Variants in TOX observed in about 807,000 individuals in gnomAD.
TOX encodes the protein thymocyte selection associated high mobility group box, also known as thymocyte selection-associated high mobility group box protein TOX.
In TOX, 11 loss-of-function variants were observed where a neutral mutation model predicts 53.7. That is an observed-to-expected ratio of 0.20 (90% CI 0.13 to 0.34). The LOEUF is 0.34. Ranked by LOEUF, TOX falls within the 10% of genes least tolerant of loss-of-function variation. The probability of loss-of-function intolerance (pLI) is 1.00; values close to 1 mark genes in which losing one functional copy is unlikely to be tolerated. For synonymous variants in TOX, 225 were observed against 245.3 expected (o/e 0.92, Z 0.77); for missense variants, 570 against 664.6 (o/e 0.86, Z 1.56).
chr8:58,932,362 C>A (rs1022489932), intron 3 of TOX, among the ~76,000 whole-genome samples: 2 of 149,840 alleles, frequency 1.3e-5, no homozygotes, highest in Admixed American at 1.3e-4. Context: ...CATCATTTTT[C>A]TTCTGTTAAA....
At chr8:58,954,714 T>A (rs1812682383) in intron 2 of TOX, among the ~76,000 whole-genome samples, 1 of 152,154 alleles carries the variant, frequency 6.6e-6, no homozygotes, top group African/African-American at 2.4e-5. Flanking sequence ...GGAGATGTAC[T>A]CAAGAGTTAG....
At chr8:59,058,917 C>T (rs1162385169) in intron 1 of TOX, among the ~76,000 whole-genome samples, 1 of 152,180 alleles carries the variant, frequency 6.6e-6, no homozygotes, top group Non-Finnish European at 1.5e-5. Context: ...GGAAGACAGC[C>T]AACTCTGGTC....
Position 58,838,491 on chromosome 8 carries a change from A to T in TOX, c.694-180T>A, listed in dbSNP as rs556600375. On this transcript the variant is annotated intron_variant, in intron 4 of 8. Transcript: ENST00000361421. ...CCAGATGAAACTGCATATTTCAAGT[A>T]GTCTTCATATTCATCCTACTCCCAA... Among the ~76,000 whole-genome samples, 5 of 152,104 alleles carry T rather than the reference A, an allele frequency of 3.3e-5. No individual in the cohort carries two copies. In the South Asian group the frequency reaches 1.0e-3, roughly 32 times the overall value.
chr8:59,081,842 G>GA (rs1468518732), intron 1 of TOX, among the ~76,000 whole-genome samples: 15 of 151,924 alleles, frequency 9.9e-5, no homozygotes, highest in East Asian at 1.9e-4. Context: ...GGACTTGATT[G>GA]AAAAAAAATC....
intron 1 of TOX, among the ~76,000 whole-genome samples, chr8:59,011,944 G>A (rs957763068): frequency 6.6e-5 from 10 of 152,130 alleles, no homozygotes; most frequent in Non-Finnish European, 4.4e-5. Flanking sequence ...AGGTCAAGAC[G>A]AGGCTTGACA....
intron 1 of TOX, among the ~76,000 whole-genome samples, chr8:59,102,250 T>C (rs1216562068): frequency 6.6e-6 from 1 of 152,164 alleles, no homozygotes; most frequent in Non-Finnish European, 1.5e-5. Flanking sequence ...TGTTTTCAGA[T>C]GGAGTCTTGC....
intron 2 of TOX, among the ~76,000 whole-genome samples, chr8:58,958,365 C>T (rs1812745551): frequency 6.6e-6 from 1 of 152,176 alleles, no homozygotes; most frequent in African/African-American, 2.4e-5. Flanking sequence ...CATAATGATT[C>T]TCTAAGAGGG....
At chr8:59,085,964 T>TTTTTCTTTTC (rs1563441659) in intron 1 of TOX, among the ~76,000 whole-genome samples, 1 of 133,042 alleles carries the variant, frequency 7.5e-6, no homozygotes, top group African/African-American at 3.4e-5. Flanking sequence ...TTTCTTTTTC[T>TTTTTCTTTTC]TTTTCTTTTC....
At chr8:59,076,801 C>A (rs774032632) in intron 1 of TOX, among the ~76,000 whole-genome samples, 5 of 152,184 alleles carry the variant, frequency 3.3e-5, no homozygotes, top group African/African-American at 7.2e-5. Context: ...CTAACAGTCT[C>A]ATATTTAATT....
rs570018669 is a variant in TOX, at chr8:58,972,511, C to G, written c.103-12503G>C. On this transcript the variant is annotated intron_variant, in intron 1 of 8. Coordinates refer to ENST00000361421, the MANE Select transcript of TOX (RefSeq NM_014729.3). ...AAGGTTATACTTAAATATAGTAGTA[C>G]GACATAGGATGATATGTCTCCTATA... Among the ~76,000 whole-genome samples the G allele has an allele frequency of 2.5e-4, 38 of 152,170 alleles. No homozygotes were observed. In the South Asian group the frequency reaches 7.5e-3, roughly 30 times the overall value.
chr8:58,988,593 C>T (rs1050239330), intron 1 of TOX, among the ~76,000 whole-genome samples: 4 of 152,098 alleles, frequency 2.6e-5, no homozygotes, highest in Non-Finnish European at 5.9e-5. Context: ...CTATGACTCA[C>T]AAAAATAAGG....
At position 59,056,528 on chromosome 8, in the gene TOX, G is replaced by A. The variant is rs1342330913; in HGVS notation, c.102+62358C>T. Among the ~76,000 whole-genome samples, 4 of 151,024 alleles carry A rather than the reference G, an allele frequency of 2.6e-5. No individual in the cohort carries two copies. The East Asian group carries it at 7.7e-4, about 29-fold the overall frequency. On this transcript the variant is annotated intron_variant, in intron 1 of 8. Transcript: ENST00000361421. ...GTGAAAATGGTAAGATGACCCCTTA[G>A]TAAAATGTTTGAAACTAAAATTGCC... is the stretch of plus-strand genomic sequence containing the variant.
chr8:59,034,655 A>C (rs1814421763), intron 1 of TOX, among the ~76,000 whole-genome samples: 1 of 152,182 alleles, frequency 6.6e-6, no homozygotes, highest in African/African-American at 2.4e-5. Flanking sequence ...ACCCAAGGTG[A>C]ATTTCTAAGC....
intron 1 of TOX, among the ~76,000 whole-genome samples, chr8:59,060,585 C>T (rs952752935): frequency 3.9e-5 from 6 of 152,198 alleles, no homozygotes; most frequent in African/African-American, 1.4e-4. Context: ...CAAGATCACA[C>T]CACTGCACTC....
At chr8:59,055,632 T>C (rs896938513) in intron 1 of TOX, among the ~76,000 whole-genome samples, 2 of 152,152 alleles carry the variant, frequency 1.3e-5, no homozygotes, top group African/African-American at 4.8e-5. Context: ...TGGGGAAAAG[T>C]GTTTGATCCC....
intron 1 of TOX, among the ~76,000 whole-genome samples, chr8:58,993,215 G>T (rs1813489589): frequency 6.6e-6 from 1 of 152,182 alleles, no homozygotes; most frequent in Non-Finnish European, 1.5e-5. Context: ...CATAAGAGAG[G>T]TCTAAAGTCA....
rs310364 is a variant in TOX at position 59,012,870 on chromosome 8, C to T, written c.103-52862G>A. ...TTTCTCAGCTGGCCAGCAGACACCT[C>T]CTGTTCCCAGACAGCGTACTCTTTC... On this transcript the variant is annotated intron_variant, in intron 1 of 8. Coordinates refer to ENST00000361421, the MANE Select transcript of TOX (RefSeq NM_014729.3). 2.5e-3 allele frequency among the ~76,000 whole-genome samples: 379 copies of T among 151,344 alleles called. 9 individuals carry two copies. In the East Asian group the frequency reaches 0.061, roughly 24 times the overall value.
rs374522981 is a variant in TOX at position 59,040,404 on chromosome 8, T to TATA, written c.102+78481_102+78482insTAT. Among the ~76,000 whole-genome samples the TATA allele has an allele frequency of 8.6e-3, 1,306 of 151,874 alleles. 22 individuals carry two copies. Among genetic ancestry groups the TATA allele is most frequent in the African/African-American group, 0.03 (1,248 of 41,444 alleles). The stretch of plus-strand genomic sequence containing the variant: ...AATTCAGAGATGGAATTTGCTATCT[T>TATA]AGACCATCAGCAGCAACTATTGAGC... On this transcript the variant is annotated intron_variant, in intron 1 of 8. Coordinates refer to ENST00000361421, the MANE Select transcript of TOX (RefSeq NM_014729.3).
At chr8:59,060,988 G>A (rs1563433644) in intron 1 of TOX, among the ~76,000 whole-genome samples, 1 of 152,176 alleles carries the variant, frequency 6.6e-6, no homozygotes, top group African/African-American at 2.4e-5. Context: ...TTTTCCTGCT[G>A]AATGTTCTTC....
Sources: gnomAD v4.1 joint callset for allele counts (sites outside exome capture counted in the v4.1 genomes callset) on GRCh38, gnomAD v4.1.1 for gene constraint, MANE v1.5 for transcripts, NCBI Gene and HGNC (gene_info 2026-07-23, HGNC 2026-07-21) for gene names.